The following MRPS18A variants were observed in gnomAD, a reference collection of about 807,000 sequenced individuals.
MRPS18A encodes the protein large ribosomal subunit protein mL66.
Under a neutral mutation model 22.7 loss-of-function variants are expected in MRPS18A, and 20 were observed. The ratio of observed to expected loss-of-function variants is 0.88; its 90% CI spans 0.62 to 1.28. The LOEUF is 1.28. MRPS18A is among the 50% of genes most tolerant of loss of function. The probability of loss-of-function intolerance (pLI) is 0.00; values close to 1 mark genes in which losing one functional copy is unlikely to be tolerated. For missense variants in MRPS18A, 294 were observed against 262.6 expected (o/e 1.12, Z -0.83); for synonymous variants, 106 against 99.1 (o/e 1.07, Z -0.41).
At position 43,671,827 on chromosome 6, in the gene MRPS18A, C is replaced by A. The variant is rs368981865; in HGVS notation, c.526G>T (p.Val176Leu). The A allele has an allele frequency of 6.2e-7, 1 of 1,614,060 alleles. No individual in the cohort carries two copies. Among genetic ancestry groups the A allele is most frequent in the Non-Finnish European group, 8.5e-7 (1 of 1,180,034 alleles). Residue 176 changes from valine (V) to leucine (L), a missense_variant, in exon 6 of 6, where the codon GTG becomes TTG. Physicochemically the swap from Val to Leu is conservative, Grantham distance 32. Coordinates refer to ENST00000372133, the MANE Select transcript of MRPS18A (RefSeq NM_018135.4). Reference protein sequence around the residue: ...GPRWNRVRMPVGSPLLRDNVC... With the variant: ...GPRWNRVRMPLGSPLLRDNVC... ...TTGTCCCTCAGAAGGGGTGACCCCA[C>A]GGGCATGCGCACCCTGTTCCAGCGG...
In MRPS18A at chr6:43,671,903, G is replaced by T. The variant is rs1211346883; in HGVS notation, c.450C>A (p.Tyr150Ter). The T allele has an allele frequency of 1.2e-6, 2 of 1,605,676 alleles. No individual in the cohort carries two copies. The highest frequency in any genetic ancestry group is 2.2e-5 in the South Asian group (2 of 89,840). ...CGGAGCCAGGAGCCCAGCGCGTCAG[G>T]TACCTGTGGAGGGAGAACAAAGAGG... ...VPKSKPQLNR[Y>*]LTRWAPGSVK... Residue 150 changes from tyrosine (Y) to a stop codon, truncating the protein, a stop_gained, in exon 6 of 6, where the codon TAC becomes TAA. Coordinates refer to ENST00000372133, the MANE Select transcript of MRPS18A (RefSeq NM_018135.4). LOFTEE classifies it high-confidence loss of function.
intron 1 of MRPS18A, 150 bp downstream of exon 1, chr6:43,687,518 G>A: frequency 1.5e-6 from 1 of 664,896 alleles, no homozygotes; most frequent in Non-Finnish European, 2.7e-6. Context: ...CCAGGGTGTG[G>A]AAGGGGCTTT....
At chr6:43,675,681 G>A in intron 3 of MRPS18A, 64 bp from the exon 4 acceptor site, 13 of 1,541,646 alleles carry the variant, frequency 8.4e-6, no homozygotes, top group Non-Finnish European at 1.0e-5. Flanking sequence ...CGGGAAGCTA[G>A]GGCTTCATGG....
At position 43,673,618 on chromosome 6, in the gene MRPS18A, C is replaced by A. The variant is rs2127941365; in HGVS notation, c.446+1584G>T. On this transcript the variant is annotated intron_variant, in intron 5 of 5. Coordinates refer to ENST00000372133, the MANE Select transcript of MRPS18A (RefSeq NM_018135.4). The surrounding 1 kb of genome is among the most constrained non-coding windows in gnomAD (Gnocchi z 4.2). ...GCCTCCAGCCAGCTCTTTGGGAACA[C>A]CCCAGCTCTAGCAAGAACCAAGTCT... Among the ~76,000 whole-genome samples the A allele has an allele frequency of 6.6e-6, 1 of 152,278 alleles. No homozygotes were observed. The highest frequency in any genetic ancestry group is 2.1e-4 in the South Asian group (1 of 4,824).
chr6:43,671,238 G>C lies in MRPS18A; in HGVS notation c.*524C>G. On this transcript the variant is annotated 3_prime_UTR_variant, in exon 6 of 6. Coordinates refer to ENST00000372133, the MANE Select transcript of MRPS18A (RefSeq NM_018135.4). ...CAGTTTCTTGGATTCACACGAGAGC[G>C]GCAAGTGTGTCAGGCAGCCCACCTT... The C allele has an allele frequency of 1.9e-6, 1 of 540,106 alleles. No individual in the cohort carries two copies. Among genetic ancestry groups the C allele is most frequent in the Middle Eastern group, 5.0e-4 (1 of 2,010 alleles). 33.5% of individuals were successfully genotyped at this position (540,106 alleles called of 1,614,324 possible).
At chr6:43,679,764 C>T (rs1231899761) in intron 2 of MRPS18A, among the ~76,000 whole-genome samples, 3 of 151,918 alleles carry the variant, frequency 2.0e-5, no homozygotes, top group Non-Finnish European at 4.4e-5. Flanking sequence ...CTCCTTCTGC[C>T]ATGGCAATCA....
At chr6:43,685,669 T>C (rs1774659170) in intron 1 of MRPS18A, among the ~76,000 whole-genome samples, 1 of 152,230 alleles carries the variant, frequency 6.6e-6, no homozygotes, top group Non-Finnish European at 1.5e-5. Context: ...GTAGGATGCC[T>C]GAATATTTTC....
intron 1 of MRPS18A, 144 bp downstream of exon 1, chr6:43,687,524 G>A: frequency 1.5e-6 from 1 of 688,218 alleles, no homozygotes; most frequent in South Asian, 1.8e-5. Context: ...TGTGGAAGGG[G>A]CTTTTAAGCA....
At chr6:43,682,118 A>T (rs1456557835) in intron 1 of MRPS18A, among the ~76,000 whole-genome samples, 1 of 152,170 alleles carries the variant, frequency 6.6e-6, no homozygotes, top group Non-Finnish European at 1.5e-5. Flanking sequence ...CAGCCTGCGC[A>T]ATGTGGCAAA....
At chr6:43,675,172 C>T in intron 5 of MRPS18A, 30 bp downstream of exon 5, 1 of 1,501,708 alleles carries the variant, frequency 6.7e-7, no homozygotes, top group South Asian at 1.4e-5. Context: ...GCGCAGAACG[C>T]TCAGGTTGTT....
At chr6:43,676,912 G>A (rs1034255336) in intron 3 of MRPS18A, among the ~76,000 whole-genome samples, 1 of 152,164 alleles carries the variant, frequency 6.6e-6, no homozygotes, top group Non-Finnish European at 1.5e-5. Flanking sequence ...ATTAATCCAG[G>A]GCTAATCAAC....
chr6:43,680,244 G>T (rs935410336), intron 2 of MRPS18A, among the ~76,000 whole-genome samples: 1 of 152,148 alleles, frequency 6.6e-6, no homozygotes, highest in Non-Finnish European at 1.5e-5. Context: ...AGGGGATTGG[G>T]GGGGGTCCCC....
At chr6:43,677,123 G>T (rs1774098171) in intron 3 of MRPS18A, among the ~76,000 whole-genome samples, 1 of 152,206 alleles carries the variant, frequency 6.6e-6, no homozygotes, top group Non-Finnish European at 1.5e-5. Context: ...GTGCCCTACA[G>T]TGGTTGGGCG....
intron 1 of MRPS18A, among the ~76,000 whole-genome samples, chr6:43,683,787 T>C (rs1430046238): frequency 6.6e-6 from 1 of 152,214 alleles, no homozygotes; most frequent in African/African-American, 2.4e-5. Context: ...AGCTTCATTC[T>C]ACCTACTGTG....
chr6:43,687,252 G>A (rs567619003), intron 1 of MRPS18A, among the ~76,000 whole-genome samples: 10 of 152,180 alleles, frequency 6.6e-5, no homozygotes, highest in Non-Finnish European at 1.3e-4. Context: ...ACAGCATTTT[G>A]AGAAGGGAAA....
intron 3 of MRPS18A, among the ~76,000 whole-genome samples, chr6:43,678,038 A>G (rs1774156847): frequency 1.3e-5 from 2 of 152,136 alleles, no homozygotes; most frequent in African/African-American, 4.8e-5. Flanking sequence ...TCATGATTCC[A>G]TCCCACAAGA....
At chr6:43,672,105 C>T (rs1157369555) in intron 5 of MRPS18A, 199 bp from the exon 6 acceptor site, 2 of 659,908 alleles carry the variant, frequency 3.0e-6, no homozygotes, top group Non-Finnish European at 5.1e-6. Context: ...GCTCTTGCTG[C>T]CGCAAGCCTG....
rs774383534 is a variant in MRPS18A, at chr6:43,681,045, C to T, written c.144+44G>A. 2.5e-6 allele frequency: 4 copies of T among 1,604,268 alleles called. No individual in the cohort carries two copies. The African/African-American group carries it at 5.4e-5, about 21-fold the overall frequency. ...CCTCAGAGGAGCGGCCAGGCAGCTCCAAGCGTTAAAGAGGTTATACATGGC... is the reference window on the plus strand; with the variant it reads ...CCTCAGAGGAGCGGCCAGGCAGCTCTAAGCGTTAAAGAGGTTATACATGGC... On this transcript the variant is annotated intron_variant, in intron 2 of 5. Transcript: ENST00000372133.
intron 3 of MRPS18A, among the ~76,000 whole-genome samples, chr6:43,677,430 T>C (rs1774119932): frequency 6.6e-6 from 1 of 152,182 alleles, no homozygotes; most frequent in Non-Finnish European, 1.5e-5. Flanking sequence ...CCTTTAGTCA[T>C]CCTATTCCAC....
Sources: gnomAD v4.1 joint callset for allele counts (sites outside exome capture counted in the v4.1 genomes callset) on GRCh38, gnomAD v4.1.1 for gene constraint, Gnocchi (gnomAD v3.1) non-coding constraint, MANE v1.5 for transcripts, NCBI Gene and HGNC (gene_info 2026-07-23, HGNC 2026-07-21) for gene names.